Variants in IARS2 observed in about 807,000 individuals in gnomAD.
IARS2 encodes the protein isoleucyl-tRNA synthetase 2, mitochondrial, also known as isoleucine--tRNA ligase, mitochondrial.
Under a neutral mutation model 126.3 loss-of-function variants are expected in IARS2, and 56 were observed. The observed-to-expected ratio is 0.44, with a 90% CI of 0.36 to 0.55. The LOEUF (loss-of-function observed/expected upper bound fraction) is 0.55. Ranked by LOEUF, IARS2 falls within the 20% of genes least tolerant of loss-of-function variation. The pLI is 0.00. For synonymous variants in IARS2, 407 were observed against 441.1 expected (o/e 0.92, Z 0.97); for missense variants, 1,127 against 1,245.9 (o/e 0.90, Z 1.44).
intron 12 of IARS2, among the ~76,000 whole-genome samples, chr1:220,120,140 G>GTT (rs1657008101): frequency 6.7e-6 from 1 of 149,316 alleles, no homozygotes; most frequent in African/African-American, 2.5e-5. Context: ...GGAGTGCAAT[G>GTT]GTGGGATCTT....
At position 220,105,975 on chromosome 1, in the gene IARS2, T is replaced by C. The variant is rs182541053; in HGVS notation, c.1151T>C (p.Met384Thr). ...SPLLPANHVT[M>T]AKGTGLVHTA... ...CTTTTACCTGCAAATCATGTGACCA[T>C]GGCAAAAGGAACGGGATTGGTTCAC... Residue 384 changes from methionine (M) to threonine (T), a missense_variant, in exon 9 of 23, where the codon ATG becomes ACG. Coordinates refer to ENST00000366922, the MANE Select transcript of IARS2 (RefSeq NM_018060.4). 39 of 1,614,098 alleles carry C rather than the reference T, an allele frequency of 2.4e-5. No homozygotes were observed. The Admixed American group carries it at 4.5e-4, about 19-fold the overall frequency.
chr1:220,103,703 T>G, intron 8 of IARS2, 141 bp downstream of exon 8: 1 of 552,394 alleles, frequency 1.8e-6, no homozygotes, highest in Non-Finnish European at 3.3e-6. Flanking sequence ...TTGATTACAC[T>G]AAAGGAGAAT....
rs546380436 is a variant in IARS2 at position 220,135,236 on chromosome 1, C to T, written c.1946+726C>T. Among the ~76,000 whole-genome samples the T allele has an allele frequency of 8.5e-5, 13 of 152,318 alleles. No homozygotes were observed. In the South Asian group the frequency reaches 2.7e-3, roughly 32 times the overall value. ...CATGAATTTTATTAAATTAGGTATTCTCATTTAGTACACATAATTACTTTT... is the reference window on the plus strand; with the variant it reads ...CATGAATTTTATTAAATTAGGTATTTTCATTTAGTACACATAATTACTTTT... On this transcript the variant is annotated intron_variant, in intron 15 of 22. Coordinates refer to ENST00000366922, the MANE Select transcript of IARS2 (RefSeq NM_018060.4).
intron 13 of IARS2, among the ~76,000 whole-genome samples, chr1:220,126,427 T>C (rs1290850313): frequency 6.6e-6 from 1 of 152,220 alleles, no homozygotes; most frequent in Non-Finnish European, 1.5e-5. Flanking sequence ...TGCCTAATGG[T>C]ACATCAGGCC....
At chr1:220,127,961 C>T (rs1657187079) in intron 14 of IARS2, among the ~76,000 whole-genome samples, 1 of 151,934 alleles carries the variant, frequency 6.6e-6, no homozygotes, top group African/African-American at 2.4e-5. Context: ...ACTTGGTTTC[C>T]CTAAATTACA....
chr1:220,103,044 CT>C (rs1172177451), intron 7 of IARS2, among the ~76,000 whole-genome samples: 113 of 144,288 alleles, frequency 7.8e-4, no homozygotes, highest in Admixed American at 6.9e-4. Context: ...TTTCTTTTTT[CT>C]TTTTTTTTTT....
At chr1:220,132,000 G>A (rs2102835690) in intron 14 of IARS2, among the ~76,000 whole-genome samples, 3 of 151,940 alleles carry the variant, frequency 2.0e-5, no homozygotes, top group South Asian at 4.2e-4. Flanking sequence ...GTTTCACCAT[G>A]TTAGCCAGGA....
chr1:220,131,699 T>G (rs1571860229), intron 14 of IARS2, among the ~76,000 whole-genome samples: 1 of 151,874 alleles, frequency 6.6e-6, no homozygotes. Flanking sequence ...TTGGCCAGGC[T>G]GGTCTCGAAC....
At chr1:220,133,205 G>T (rs1044900258) in intron 14 of IARS2, among the ~76,000 whole-genome samples, 6 of 151,684 alleles carry the variant, frequency 4.0e-5, no homozygotes, top group African/African-American at 7.3e-5. Context: ...ATGGGGTTTC[G>T]CCATGTTGGT....
At chr1:220,094,678 C>G (rs1656399548) in intron 1 of IARS2, among the ~76,000 whole-genome samples, 195 bp downstream of exon 1, 1 of 152,174 alleles carries the variant, frequency 6.6e-6, no homozygotes, top group African/African-American at 2.4e-5. Flanking sequence ...CTAGATGAGC[C>G]CCTCCTTTGT....
chr1:220,125,614 G>T (rs1657137312), intron 13 of IARS2, among the ~76,000 whole-genome samples: 1 of 152,074 alleles, frequency 6.6e-6, no homozygotes, highest in African/African-American at 2.4e-5. Context: ...GACCAGCCTG[G>T]GCAATATGGC....
Position 220,103,512 on chromosome 1 carries a change from C to G in IARS2, c.1016C>G (p.Ser339Cys). 3.1e-6 allele frequency: 5 copies of G among 1,613,566 alleles called. No individual in the cohort carries two copies. The highest frequency in any genetic ancestry group is 4.2e-6 in the Non-Finnish European group (5 of 1,179,576). Residue 339 changes from serine to cysteine, a missense_variant, in exon 8 of 23, where the codon TCT becomes TGT. By Grantham distance (112) the Ser-to-Cys change is moderately radical. Coordinates refer to ENST00000366922, the MANE Select transcript of IARS2 (RefSeq NM_018060.4). ...LYVLAADKVA[S>C]VASTLETTFE... ...GTACTGGCGGCAGATAAAGTAGCAT[C>G]TGTTGCTTCTACTTTGGAAACAACA... is the stretch of plus-strand genomic sequence containing the variant.
chr1:220,143,310 A>G (rs1449536553), intron 21 of IARS2, 176 bp downstream of exon 21: 2 of 405,668 alleles, frequency 4.9e-6, no homozygotes, highest in African/African-American at 4.1e-5. Context: ...ATATCTTTTA[A>G]TAAATTAAGC....
At chr1:220,117,181 C>CT (rs1656931706) in intron 12 of IARS2, among the ~76,000 whole-genome samples, 1 of 104,574 alleles carries the variant, frequency 9.6e-6, no homozygotes, top group Non-Finnish European at 2.0e-5. Context: ...ATTGTCTCCT[C>CT]TTCTTTTTTT....
intron 12 of IARS2, among the ~76,000 whole-genome samples, chr1:220,119,007 A>G (rs1178468234): frequency 6.6e-6 from 1 of 152,186 alleles, no homozygotes; most frequent in Admixed American, 6.5e-5. Context: ...CCAGTAAGTT[A>G]CAGAAGAAAA....
At chr1:220,122,403 G>GAAGCAAAGGCA (rs1558126315) in intron 12 of IARS2, among the ~76,000 whole-genome samples, 3 of 152,136 alleles carry the variant, frequency 2.0e-5, no homozygotes, top group Non-Finnish European at 4.4e-5. Flanking sequence ...CTATGCCTGG[G>GAAGCAAAGGCA]TAAAAGAGCC....
At position 220,102,061 on chromosome 1, in the gene IARS2, A is replaced by C. The variant is rs1571844895; in HGVS notation, c.551-68A>C. 3.5e-6 allele frequency: 5 copies of C among 1,433,356 alleles called. No homozygotes were observed. In the East Asian group the frequency reaches 1.1e-4, roughly 33 times the overall value. 88.8% of individuals were successfully genotyped at this position (1,433,356 alleles called of 1,614,324 possible). ...GTAGCATTTGCATTTAGAGAGATACATGCTAAACCATGTTTAAGAATTCGA... is the reference window on the plus strand; with the variant it reads ...GTAGCATTTGCATTTAGAGAGATACCTGCTAAACCATGTTTAAGAATTCGA... On this transcript the variant is annotated intron_variant, in intron 3 of 22. Coordinates refer to ENST00000366922, the MANE Select transcript of IARS2 (RefSeq NM_018060.4).
intron 14 of IARS2, among the ~76,000 whole-genome samples, chr1:220,131,397 G>T (rs968394092): frequency 2.0e-5 from 3 of 152,048 alleles, no homozygotes; most frequent in Non-Finnish European, 4.4e-5. Context: ...TATTGCCCAG[G>T]CTGGAGTGCA....
Position 220,145,525 on chromosome 1 carries a change from A to G in IARS2, c.2768A>G (p.Glu923Gly). 1 of 1,611,824 alleles carries G rather than the reference A, an allele frequency of 6.2e-7. No homozygotes were observed. Among genetic ancestry groups the G allele is most frequent in the East Asian group, 2.2e-5 (1 of 44,828 alleles). The change falls in exon 22 of 23, where the codon GAG (glutamate) becomes GGG (glycine). Residue 923 changes from glutamate to glycine, a missense_variant. Coordinates refer to ENST00000366922, the MANE Select transcript of IARS2 (RefSeq NM_018060.4). ...TCCTTCCAGATGCTGCAGTCTGAAG[A>G]GACTTCCAGCACCTCTCAGTTGAAT... ...FEIIEMLQSEETSSTSQLNEL... is the reference protein window; with the variant it reads ...FEIIEMLQSEGTSSTSQLNEL...
Sources: allele counts gnomAD v4.1 joint callset (sites outside exome capture counted in the v4.1 genomes callset), GRCh38; gene constraint gnomAD v4.1.1; transcripts MANE v1.5; gene names NCBI Gene and HGNC (gene_info 2026-07-23, HGNC 2026-07-21).